Variants in RBFOX1 observed in about 807,000 individuals in gnomAD.
RBFOX1 encodes RNA binding protein fox-1 homolog 1.
In RBFOX1, 8 loss-of-function variants were observed where a neutral mutation model predicts 57.7. The ratio of observed to expected loss-of-function variants is 0.14; its 90% CI spans 0.08 to 0.25. The LOEUF (loss-of-function observed/expected upper bound fraction) is 0.25, where lower values mean the gene tolerates loss of function less well. Ranked by LOEUF, RBFOX1 falls within the 10% of genes least tolerant of loss-of-function variation. The probability of loss-of-function intolerance (pLI) is 1.00; values close to 1 mark genes in which losing one functional copy is unlikely to be tolerated. For missense variants in RBFOX1, 611 were observed against 548.5 expected (o/e 1.11, Z -1.14); for synonymous variants, 326 against 222.4 (o/e 1.47, Z -4.15).
intron 4 of RBFOX1, among the ~76,000 whole-genome samples, chr16:7,371,707 G>C (rs528840408): frequency 7.2e-5 from 11 of 152,118 alleles, no homozygotes; most frequent in Non-Finnish European, 1.5e-4. Context: ...CTGAGATCAC[G>C]CCACTGCACT....
chr16:6,077,252 C>T (rs1241857317), intron 1 of RBFOX1, among the ~76,000 whole-genome samples: 1 of 152,144 alleles, frequency 6.6e-6, no homozygotes, highest in Non-Finnish European at 1.5e-5. Flanking sequence ...GACACCATGG[C>T]ATTGCAGTTG....
chr16:5,837,534 C>A (rs1283716118), intron 3 of RBFOX1, among the ~76,000 whole-genome samples: 1 of 152,088 alleles, frequency 6.6e-6, no homozygotes. Context: ...CTGGTTACCA[C>A]ACAGTCCCTT....
At chr16:6,864,999 T>TC (rs2059665051) in intron 3 of RBFOX1, among the ~76,000 whole-genome samples, 1 of 109,380 alleles carries the variant, frequency 9.1e-6, no homozygotes, top group Non-Finnish European at 1.9e-5. Context: ...CTTTTTCTTT[T>TC]TTTTTTTTTT....
chr16:5,620,119 A>G (rs915144783), intron 3 of RBFOX1, among the ~76,000 whole-genome samples: 3 of 152,110 alleles, frequency 2.0e-5, no homozygotes, highest in African/African-American at 7.2e-5. Flanking sequence ...TGAACATTAC[A>G]GTCAGGTGGC....
intron 4 of RBFOX1, among the ~76,000 whole-genome samples, chr16:5,955,262 C>T (rs924153858): frequency 4.8e-5 from 7 of 144,604 alleles, no homozygotes; most frequent in Admixed American, 4.3e-4. Context: ...GCCTGGGTGA[C>T]AAGAGTGAGA....
intron 4 of RBFOX1, among the ~76,000 whole-genome samples, chr16:7,497,454 A>C (rs2069054218): frequency 6.6e-6 from 1 of 152,088 alleles, no homozygotes; most frequent in South Asian, 2.1e-4. Context: ...GCCCCCTATA[A>C]TAATTTATAC....
chr16:7,285,553 C>T (rs1388329076), intron 4 of RBFOX1, among the ~76,000 whole-genome samples: 1 of 151,946 alleles, frequency 6.6e-6, no homozygotes, highest in Admixed American at 6.6e-5. Flanking sequence ...CGCCCCCACT[C>T]CCAATTCCTA....
At chr16:5,246,862 G>A (rs555460375) in intron 1 of RBFOX1, among the ~76,000 whole-genome samples, 1 of 151,892 alleles carries the variant, frequency 6.6e-6, no homozygotes, top group South Asian at 2.1e-4. Flanking sequence ...GTAGAGATGG[G>A]GTCTTGCTAT....
intron 1 of RBFOX1, among the ~76,000 whole-genome samples, chr16:5,261,581 T>C (rs1387551722): frequency 7.1e-6 from 1 of 141,542 alleles, no homozygotes; most frequent in East Asian, 2.3e-4. Context: ...TTGGAGTCTC[T>C]CCCTGTCACC....
chr16:6,130,664 G>C (rs1008321688), intron 1 of RBFOX1, among the ~76,000 whole-genome samples: 8 of 152,216 alleles, frequency 5.3e-5, no homozygotes, highest in African/African-American at 1.9e-4. Context: ...CAGTTAGATT[G>C]AGTAAAAGAG....
intron 3 of RBFOX1, among the ~76,000 whole-genome samples, chr16:6,800,778 A>G (rs748802223): frequency 3.3e-5 from 5 of 152,186 alleles, no homozygotes; most frequent in Admixed American, 6.5e-5. Context: ...AGTAGATGAC[A>G]AAGTAGCTTT....
intron 1 of RBFOX1, among the ~76,000 whole-genome samples, chr16:6,021,569 G>T (rs2095078292): frequency 2.6e-5 from 4 of 152,210 alleles, no homozygotes; most frequent in Admixed American, 1.3e-4. Flanking sequence ...GAGCTCGTCA[G>T]GGAGGCCCTC....
At position 6,057,832 on chromosome 16, in the gene RBFOX1, T is replaced by TG. The variant is rs1281703715; in HGVS notation, c.-127+37840_-127+37841insG. Among the ~76,000 whole-genome samples the TG allele has an allele frequency of 1.4e-4, 21 of 147,778 alleles. No individual in the cohort carries two copies. In the Admixed American group the frequency reaches 1.4e-3, roughly 10 times the overall value. ...TATGAGGGTTTGCTATGGGTTTTTT[T>TG]TTTTTTTTTTTTTTTTGAGGCAAAC... On this transcript the variant is annotated intron_variant, in intron 1 of 15. Coordinates refer to ENST00000550418, the MANE Select transcript of RBFOX1 (RefSeq NM_018723.4).
intron 2 of RBFOX1, among the ~76,000 whole-genome samples, chr16:5,560,102 A>T (rs1173484338): frequency 6.6e-6 from 1 of 152,186 alleles, no homozygotes; most frequent in East Asian, 1.9e-4. Context: ...CATATTCATT[A>T]TTTATAGAAT....
chr16:6,125,229 A>G (rs2096580969), intron 1 of RBFOX1, among the ~76,000 whole-genome samples: 1 of 152,166 alleles, frequency 6.6e-6, no homozygotes, highest in Admixed American at 6.5e-5. Flanking sequence ...TAAGTTCCCT[A>G]CAATTATTAC....
intron 2 of RBFOX1, among the ~76,000 whole-genome samples, chr16:5,550,306 T>G (rs1378877010): frequency 6.6e-6 from 1 of 152,158 alleles, no homozygotes; most frequent in Non-Finnish European, 1.5e-5. Context: ...GTAAACCAAG[T>G]GTCTGTGAAT....
At chr16:6,970,241 A>G (rs1333368577) in intron 3 of RBFOX1, among the ~76,000 whole-genome samples, 2 of 152,120 alleles carry the variant, frequency 1.3e-5, no homozygotes, top group African/African-American at 2.4e-5. Flanking sequence ...AAACCAAAAA[A>G]AAAGTCTTAA....
At chr16:7,610,889 G>C (rs1018789969) in intron 10 of RBFOX1, among the ~76,000 whole-genome samples, 1 of 152,078 alleles carries the variant, frequency 6.6e-6, no homozygotes, top group African/African-American at 2.4e-5. Flanking sequence ...AGAATTTATG[G>C]GGCATTTAAA....
chr16:7,093,127 AC>A (rs1365006604), intron 4 of RBFOX1, among the ~76,000 whole-genome samples: 1 of 152,184 alleles, frequency 6.6e-6, no homozygotes, highest in South Asian at 2.1e-4. Context: ...GACTTCTTTT[AC>A]CCCAGTGAAT....
Sources: allele counts gnomAD v4.1 joint callset (sites outside exome capture counted in the v4.1 genomes callset), GRCh38; gene constraint gnomAD v4.1.1; transcripts MANE v1.5; gene names NCBI Gene and HGNC (gene_info 2026-07-23, HGNC 2026-07-21).